The following CCSER2 variants were observed in gnomAD, a reference collection of about 807,000 sequenced individuals.
CCSER2 encodes the protein coiled-coil serine rich protein 2.
A neutral mutation model predicts 92.3 loss-of-function variants in CCSER2; 46 were observed. That is an observed-to-expected ratio of 0.50 (90% CI 0.39 to 0.64). The LOEUF is 0.64. Among genes scored for constraint, CCSER2 ranks in the 30% least tolerant of loss-of-function variants. The pLI is 0.00. For synonymous variants in CCSER2, 433 were observed against 431.4 expected (o/e 1.00, Z -0.04); for missense variants, 1,244 against 1,238.9 (o/e 1.00, Z -0.06).
intron 3 of CCSER2, among the ~76,000 whole-genome samples, chr10:84,416,789 G>C (rs11594328): frequency 0.13 from 19,241 of 152,060 alleles, 1,492 homozygotes; most frequent in Admixed American, 0.23. Flanking sequence ...AAATTAGCCA[G>C]GCATGGTGGT....
chr10:84,506,019 G>C (rs1741020798), intron 9 of CCSER2, among the ~76,000 whole-genome samples: 1 of 151,678 alleles, frequency 6.6e-6, no homozygotes. Flanking sequence ...TACATCATCT[G>C]AGAGGTAGAT....
intron 8 of CCSER2, among the ~76,000 whole-genome samples, chr10:84,471,175 T>C (rs1846772526): frequency 6.6e-6 from 1 of 152,116 alleles, no homozygotes; most frequent in South Asian, 2.1e-4. Flanking sequence ...GGATATCATA[T>C]ACTGAGCTCT....
chr10:84,439,401 A>G (rs1029584427), intron 6 of CCSER2, among the ~76,000 whole-genome samples: 1 of 152,146 alleles, frequency 6.6e-6, no homozygotes, highest in Non-Finnish European at 1.5e-5. Context: ...TTGGTTTTAA[A>G]TCTGTATTTG....
At chr10:84,387,934 G>A (rs917693753) in intron 3 of CCSER2, among the ~76,000 whole-genome samples, 3 of 151,992 alleles carry the variant, frequency 2.0e-5, no homozygotes, top group Non-Finnish European at 4.4e-5. Flanking sequence ...CACGATCTCG[G>A]CTCACAGCAA....
chr10:84,333,582 A>G (rs1843687620), intron 1 of CCSER2, among the ~76,000 whole-genome samples: 1 of 152,252 alleles, frequency 6.6e-6, no homozygotes, highest in Non-Finnish European at 1.5e-5. Flanking sequence ...TTGCAAAGCA[A>G]GGGGATGATA....
chr10:84,463,108 G>A (rs997266961), intron 6 of CCSER2, among the ~76,000 whole-genome samples: 6 of 152,070 alleles, frequency 3.9e-5, no homozygotes, highest in African/African-American at 1.4e-4. Context: ...TTGAGCATGT[G>A]GTTTCTTAGT....
intron 3 of CCSER2, among the ~76,000 whole-genome samples, chr10:84,410,276 A>G (rs1842584368): frequency 6.6e-6 from 1 of 152,222 alleles, no homozygotes; most frequent in South Asian, 2.1e-4. Flanking sequence ...TCAATTATAT[A>G]TCCAGTAATG....
intron 6 of CCSER2, among the ~76,000 whole-genome samples, chr10:84,450,880 G>T (rs1240932743): frequency 6.6e-6 from 1 of 152,174 alleles, no homozygotes; most frequent in African/African-American, 2.4e-5. Flanking sequence ...AAAAGATTGT[G>T]TAAGATACAA....
chr10:84,501,822 GAAAA>G (rs11461623), intron 9 of CCSER2, among the ~76,000 whole-genome samples: 1 of 29,042 alleles, frequency 3.4e-5, no homozygotes, highest in Non-Finnish European at 9.3e-5. Context: ...GTCATCTAGG[GAAAA>G]AAAAAAAAAT....
chr10:84,430,108 G>T (rs1207034154), intron 5 of CCSER2, among the ~76,000 whole-genome samples: 1 of 152,056 alleles, frequency 6.6e-6, no homozygotes, highest in Non-Finnish European at 1.5e-5. Flanking sequence ...GCCTCCACCA[G>T]GGGGCTCTGT....
intron 3 of CCSER2, among the ~76,000 whole-genome samples, chr10:84,414,582 T>G (rs1842805726): frequency 6.6e-6 from 1 of 150,846 alleles, no homozygotes; most frequent in Non-Finnish European, 1.5e-5. Flanking sequence ...CCCTTAACAT[T>G]TTTTTTTTTC....
intron 3 of CCSER2, chr10:84,392,131 TA>T (rs1392460411): frequency 1.6e-6 from 1 of 633,218 alleles, no homozygotes; most frequent in African/African-American, 1.8e-5. Context: ...GGGAAAATAC[TA>T]CCCTTTACGG....
At chr10:84,512,314 G>T (rs1849390172) in intron 9 of CCSER2, among the ~76,000 whole-genome samples, 1 of 149,688 alleles carries the variant, frequency 6.7e-6, no homozygotes, top group Non-Finnish European at 1.5e-5. Context: ...TGAATTTCAT[G>T]TTGTAAAGCC....
At chr10:84,353,949 G>A (rs538341274) in intron 1 of CCSER2, among the ~76,000 whole-genome samples, 1 of 152,244 alleles carries the variant, frequency 6.6e-6, no homozygotes, top group African/African-American at 2.4e-5. Context: ...TGTAATCCCA[G>A]CATTTTGGGA....
chr10:84,421,786 G>A (rs1423696830), intron 4 of CCSER2, among the ~76,000 whole-genome samples: 2 of 152,110 alleles, frequency 1.3e-5, no homozygotes, highest in African/African-American at 4.8e-5. Context: ...TACATGACAC[G>A]GGATTCTTCA....
intron 3 of CCSER2, among the ~76,000 whole-genome samples, chr10:84,385,407 A>ATATAATC: frequency 1.3e-5 from 2 of 152,220 alleles, no homozygotes; most frequent in Admixed American, 1.3e-4. Flanking sequence ...ATAAAAGTAG[A>ATATAATC]CACATTGATT....
intron 3 of CCSER2, among the ~76,000 whole-genome samples, chr10:84,382,238 C>T (rs925702124): frequency 3.3e-5 from 5 of 152,162 alleles, no homozygotes; most frequent in Non-Finnish European, 7.3e-5. Flanking sequence ...TTCTTTACTT[C>T]ATGATAGCAT....
chr10:84,351,649 C>T (rs1319468720), intron 1 of CCSER2, among the ~76,000 whole-genome samples: 1 of 152,178 alleles, frequency 6.6e-6, no homozygotes, highest in Non-Finnish European at 1.5e-5. Flanking sequence ...GGACTGTAGG[C>T]ATGAGCCACC....
chr10:84,420,024 G>A (rs547537687), intron 4 of CCSER2, among the ~76,000 whole-genome samples: 22 of 152,316 alleles, frequency 1.4e-4, no homozygotes, highest in Admixed American at 1.4e-3. Context: ...TGGTAGTGAG[G>A]AGTGAGGGAT....
Sources: gnomAD v4.1 joint callset for allele counts (sites outside exome capture counted in the v4.1 genomes callset) on GRCh38, gnomAD v4.1.1 for gene constraint, MANE v1.5 for transcripts, NCBI Gene and HGNC (gene_info 2026-07-23, HGNC 2026-07-21) for gene names.